Variants in RUNX2 observed in about 807,000 individuals in gnomAD.
RUNX2 encodes the protein runt-related transcription factor 2.
Under a neutral mutation model 51.7 loss-of-function variants are expected in RUNX2, and 10 were observed. The observed-to-expected ratio is 0.19, with a 90% CI of 0.12 to 0.33. RUNX2 has a LOEUF of 0.33. Among genes scored for constraint, RUNX2 ranks in the 10% least tolerant of loss-of-function variants. The pLI is 1.00. For synonymous variants in RUNX2, 276 were observed against 273.6 expected (o/e 1.01, Z -0.09); for missense variants, 562 against 691.3 (o/e 0.81, Z 2.10).
chr6:45,392,174 G>A (rs1737459575), intron 2 of RUNX2, among the ~76,000 whole-genome samples: 2 of 152,176 alleles, frequency 1.3e-5, no homozygotes, highest in African/African-American at 4.8e-5. Context: ...CAATTGAGGT[G>A]TGCAAGCTAA....
At chr6:45,353,342 T>C (rs1270719350) in intron 2 of RUNX2, among the ~76,000 whole-genome samples, 2 of 152,044 alleles carry the variant, frequency 1.3e-5, no homozygotes, top group African/African-American at 2.4e-5. Flanking sequence ...GTCAAAAATA[T>C]TTTAAAAAGA....
At chr6:45,546,709 C>A in intron 8 of RUNX2, 118 bp from the exon 9 acceptor site, 1 of 868,706 alleles carries the variant, frequency 1.2e-6, no homozygotes, top group Non-Finnish European at 1.9e-6. Context: ...CTGTCTGTGG[C>A]TTGCTGTTCC....
At chr6:45,447,872 G>A (rs1447609920) in intron 5 of RUNX2, among the ~76,000 whole-genome samples, 3 of 152,148 alleles carry the variant, frequency 2.0e-5, no homozygotes, top group Admixed American at 2.0e-4. Flanking sequence ...GAAAATGTTA[G>A]CAGTTGTGTG....
chr6:45,485,689 G>GTATATATATATATATA (rs1563107039), intron 5 of RUNX2, among the ~76,000 whole-genome samples: 15 of 75,752 alleles, frequency 2.0e-4, no homozygotes, highest in African/African-American at 5.9e-4. Context: ...GTGTGTGTGT[G>GTATATATATATATATA]TGTGTGTGTA....
intron 6 of RUNX2, among the ~76,000 whole-genome samples, chr6:45,496,709 G>C (rs1478378021): frequency 6.6e-6 from 1 of 152,164 alleles, no homozygotes; most frequent in Non-Finnish European, 1.5e-5. Flanking sequence ...TGTAGTGGGG[G>C]ATGTGAAGCA....
At chr6:45,523,425 C>T (rs1227628918) in intron 7 of RUNX2, among the ~76,000 whole-genome samples, 1 of 151,830 alleles carries the variant, frequency 6.6e-6, no homozygotes. Flanking sequence ...TGCCACGATG[C>T]CTGGCTAACT....
intron 5 of RUNX2, among the ~76,000 whole-genome samples, chr6:45,444,962 A>G (rs1159269917): frequency 1.3e-5 from 2 of 152,182 alleles, no homozygotes; most frequent in Non-Finnish European, 2.9e-5. Flanking sequence ...GGGTGAAGGA[A>G]TAGACTTTTT....
intron 5 of RUNX2, among the ~76,000 whole-genome samples, chr6:45,465,019 T>C (rs1480410918): frequency 1.3e-5 from 2 of 152,236 alleles, no homozygotes; most frequent in East Asian, 1.9e-4. Context: ...TTTTGAGCCT[T>C]ATAAGAAAAA....
intron 2 of RUNX2, among the ~76,000 whole-genome samples, chr6:45,365,650 G>A (rs956470692): frequency 6.8e-6 from 1 of 147,532 alleles, no homozygotes. Context: ...CATCAGCAAT[G>A]CTTCAGGGCA....
intron 5 of RUNX2, among the ~76,000 whole-genome samples, chr6:45,463,269 A>G (rs1247782097): frequency 6.6e-6 from 1 of 152,228 alleles, no homozygotes; most frequent in Non-Finnish European, 1.5e-5. Flanking sequence ...ATCTTTCCAT[A>G]CAGAAACAAG....
intron 7 of RUNX2, among the ~76,000 whole-genome samples, chr6:45,531,152 G>T (rs1346587508): frequency 6.6e-6 from 1 of 152,160 alleles, no homozygotes; most frequent in African/African-American, 2.4e-5. Flanking sequence ...CACATAATAT[G>T]CTTTTCCCTA....
Position 45,545,288 on chromosome 6 carries a change from AC to A in RUNX2, c.1087+7del. 1 of 1,550,432 alleles carries A rather than the reference AC, an allele frequency of 6.4e-7. No individual in the cohort carries two copies. The highest frequency in any genetic ancestry group is 8.7e-7 in the Non-Finnish European group (1 of 1,146,838). On this transcript the variant is annotated splice_region_variant and intron_variant, in intron 8 of 8. Coordinates refer to ENST00000647337, the MANE Select transcript of RUNX2 (RefSeq NM_001024630.4). The stretch of plus-strand genomic sequence containing the variant: ...CAGTAAGAAGAGCCAGGCAGGTGAG[AC>A]TTTTAACAATTGCTGGGCTGGGCAG...
intron 4 of RUNX2, 64 bp from the exon 5 acceptor site, chr6:45,437,883 G>T: frequency 8.6e-7 from 1 of 1,167,320 alleles, no homozygotes; most frequent in Middle Eastern, 1.9e-4. Flanking sequence ...AATCTATGCT[G>T]CTGTGTAATC....
intron 5 of RUNX2, among the ~76,000 whole-genome samples, chr6:45,465,312 C>A (rs1418067926): frequency 1.3e-5 from 2 of 152,062 alleles, no homozygotes; most frequent in Admixed American, 6.6e-5. Flanking sequence ...GGAAATATGA[C>A]AACTCTTATT....
intron 7 of RUNX2, among the ~76,000 whole-genome samples, chr6:45,531,154 T>C (rs929304521): frequency 6.6e-6 from 1 of 152,192 alleles, no homozygotes; most frequent in Non-Finnish European, 1.5e-5. Flanking sequence ...CATAATATGC[T>C]TTTCCCTACT....
intron 7 of RUNX2, among the ~76,000 whole-genome samples, chr6:45,531,733 CAGGGTGAGAT>C (rs1182460201): frequency 2.0e-5 from 3 of 151,410 alleles, no homozygotes; most frequent in African/African-American, 7.3e-5. Context: ...AGTCTGGCAA[CAGGGTGAGAT>C]TCTGTCTAAA....
At chr6:45,375,511 A>T (rs1054207625) in intron 2 of RUNX2, among the ~76,000 whole-genome samples, 3 of 152,142 alleles carry the variant, frequency 2.0e-5, no homozygotes, top group African/African-American at 7.2e-5. Context: ...ATTGCTCCAG[A>T]TCTAACAATT....
chr6:45,428,953 G>A lies in RUNX2; in HGVS notation c.424-2910G>A, dbSNP rs190736406. 7.3e-5 allele frequency among the ~76,000 whole-genome samples: 11 copies of A among 151,006 alleles called. No individual in the cohort carries two copies. The East Asian group carries it at 1.6e-3, about 22-fold the overall frequency. ...CTCAGAACATGAAGTGAGGAAGTAC[G>A]TACTCAGTTGAACCCTTTAAGAATG... On this transcript the variant is annotated intron_variant, in intron 3 of 8. Coordinates refer to ENST00000647337, the MANE Select transcript of RUNX2 (RefSeq NM_001024630.4).
intron 2 of RUNX2, among the ~76,000 whole-genome samples, chr6:45,405,709 C>G (rs746414572): frequency 2.0e-5 from 3 of 152,082 alleles, no homozygotes; most frequent in Non-Finnish European, 2.9e-5. Context: ...ATCACTTGAA[C>G]CCAGGAGGCA....
Sources: gnomAD v4.1 joint callset for allele counts (sites outside exome capture counted in the v4.1 genomes callset) on GRCh38, gnomAD v4.1.1 for gene constraint, MANE v1.5 for transcripts, NCBI Gene and HGNC (gene_info 2026-07-23, HGNC 2026-07-21) for gene names.